Variants in RAB22A observed in about 807,000 individuals in gnomAD.
RAB22A encodes the protein ras-related protein Rab-22A.
Under a neutral mutation model 30.2 loss-of-function variants are expected in RAB22A, and 13 were observed. The observed-to-expected ratio is 0.43, with a 90% CI of 0.28 to 0.68. RAB22A has a LOEUF of 0.68. Among genes scored for constraint, RAB22A ranks in the 30% least tolerant of loss-of-function variants. The pLI, the probability that RAB22A is intolerant of heterozygous loss-of-function variation, is 0.18. For missense variants in RAB22A, 177 were observed against 246.8 expected, an observed-to-expected ratio of 0.72 and a Z score of 1.89; for synonymous variants, 89 against 87.2, an observed-to-expected ratio of 1.02 and a Z score of -0.11.
intron 2 of RAB22A, among the ~76,000 whole-genome samples, chr20:58,318,447 C>G (rs1315166757): frequency 1.3e-5 from 2 of 152,162 alleles, no homozygotes; most frequent in African/African-American, 2.4e-5. Context: ...GTATGACACT[C>G]ACAGGAAATG....
In RAB22A at chr20:58,360,092, T is replaced by A. The variant is rs1987201292; in HGVS notation, c.*389T>A. ...AAAGAAACAGACCTTGTGGAGATTA[T>A]AATTTCCTTGGTTTCTGTTACCACT... On this transcript the variant is annotated 3_prime_UTR_variant, in exon 7 of 7. Coordinates refer to ENST00000244040, the MANE Select transcript of RAB22A (RefSeq NM_020673.3). 1 of 154,222 alleles carries A rather than the reference T, an allele frequency of 6.5e-6. No individual in the cohort carries two copies. Among genetic ancestry groups the A allele is most frequent in the Admixed American group, 6.5e-5 (1 of 15,378 alleles). 9.6% of individuals were successfully genotyped at this position (154,222 alleles called of 1,614,324 possible).
At chr20:58,353,234 GT>G in intron 3 of RAB22A, 38 bp from the exon 4 acceptor site, 1 of 1,563,252 alleles carries the variant, frequency 6.4e-7, no homozygotes, top group Non-Finnish European at 8.8e-7. Context: ...TATTTAACCA[GT>G]TTTCCCAATT....
rs984746857 is a variant in RAB22A, at chr20:58,353,592, TAAG to T, written c.377+55_377+57del. 5 of 1,357,468 alleles carry T rather than the reference TAAG, an allele frequency of 3.7e-6. No homozygotes were observed. The Admixed American group carries it at 9.1e-5, about 25-fold the overall frequency. 84.1% of individuals were successfully genotyped at this position (1,357,468 alleles called of 1,614,324 possible). On this transcript the variant is annotated intron_variant, in intron 5 of 6. Transcript: ENST00000244040. Reference sequence around the variant, plus strand: ...ACCTATTATGTGTTCCTTTTCTTAATAAGCAATATCCAGTTTAAGAATCTTGCT... The same window carrying T: ...ACCTATTATGTGTTCCTTTTCTTAATCAATATCCAGTTTAAGAATCTTGCT...
At chr20:58,333,718 A>G (rs1024009285) in intron 2 of RAB22A, among the ~76,000 whole-genome samples, 4 of 152,302 alleles carry the variant, frequency 2.6e-5, no homozygotes, top group African/African-American at 9.6e-5. Context: ...TATTGAAAAA[A>G]TAGAGACACA....
At position 58,366,167 on chromosome 20, in the gene RAB22A, C is replaced by T. The variant is rs1261434230; in HGVS notation, c.*6464C>T. On this transcript the variant is annotated 3_prime_UTR_variant, in exon 7 of 7. Coordinates refer to ENST00000244040, the MANE Select transcript of RAB22A (RefSeq NM_020673.3). ...CTTCTCGCTTTATTTCCCTTAGGCT[C>T]ATTTTTCTGTGGGCTCTCCCTTAAA... 6.6e-6 allele frequency: 1 copy of T among 152,212 alleles called. No homozygotes were observed. Among genetic ancestry groups the T allele is most frequent in the East Asian group, 1.9e-4 (1 of 5,196 alleles). 9.4% of individuals were successfully genotyped at this position (152,212 alleles called of 1,614,324 possible).
At chr20:58,313,860 G>A (rs1259590037) in intron 2 of RAB22A, among the ~76,000 whole-genome samples, 1 of 151,938 alleles carries the variant, frequency 6.6e-6, no homozygotes, top group East Asian at 1.9e-4. Flanking sequence ...TGCTGCTTTG[G>A]GGCTACAATG....
chr20:58,315,707 C>A (rs1336572049), intron 2 of RAB22A, among the ~76,000 whole-genome samples: 4 of 151,986 alleles, frequency 2.6e-5, no homozygotes, highest in Non-Finnish European at 2.9e-5. Context: ...CACCCCCAGC[C>A]CAATCCCCAA....
At chr20:58,345,077 C>T (rs1986923528) in intron 3 of RAB22A, among the ~76,000 whole-genome samples, 1 of 152,104 alleles carries the variant, frequency 6.6e-6, no homozygotes, top group Admixed American at 6.5e-5. Context: ...TAGACACAGC[C>T]CTGGGTTCTG....
chr20:58,343,083 G>A (rs549306933), intron 2 of RAB22A, among the ~76,000 whole-genome samples: 6 of 152,252 alleles, frequency 3.9e-5, no homozygotes, highest in South Asian at 2.1e-4. Flanking sequence ...TCCGGGGCTC[G>A]ATGAGGCCCC....
At position 58,360,442 on chromosome 20, in the gene RAB22A, T is replaced by C. The variant is rs1018175021; in HGVS notation, c.*739T>C. 6.6e-6 allele frequency: 1 copy of C among 152,628 alleles called. No individual in the cohort carries two copies. Among genetic ancestry groups the C allele is most frequent in the Non-Finnish European group, 1.5e-5 (1 of 68,042 alleles). The allele number at this position is 152,628 out of a possible 1,614,324, so 9.5% of individuals were successfully genotyped here. ...AGAAGCTGCCCGGAATAAACTGAAT[T>C]TCATATGTTCTAAAATGACTAGCAA... On this transcript the variant is annotated 3_prime_UTR_variant, in exon 7 of 7. Transcript: ENST00000244040.
In RAB22A at chr20:58,359,966, A is replaced by G; in HGVS notation, c.*263A>G. ...TGACCTTGCTGAAAAGGAACATATA[A>G]TTGTATGGATGGTAGGATTAAGTTG... is the stretch of plus-strand genomic sequence containing the variant. On this transcript the variant is annotated 3_prime_UTR_variant, in exon 7 of 7. Transcript: ENST00000244040. 4.9e-6 allele frequency: 1 copy of G among 205,842 alleles called. No homozygotes were observed. The highest frequency in any genetic ancestry group is 9.8e-6 in the Non-Finnish European group (1 of 102,560). The allele number at this position is 205,842 out of a possible 1,614,324, so 12.8% of individuals were successfully genotyped here. A position where few individuals can be genotyped will look rare whatever the true frequency, so the allele number is the denominator to read the frequency against.
intron 3 of RAB22A, among the ~76,000 whole-genome samples, chr20:58,347,371 A>C (rs76617572): frequency 6.6e-6 from 1 of 152,226 alleles, no homozygotes; most frequent in Non-Finnish European, 1.5e-5. Context: ...ACTTAAATGA[A>C]GAGGAAAAAT....
intron 3 of RAB22A, among the ~76,000 whole-genome samples, chr20:58,350,116 G>A (rs1411664191): frequency 6.6e-6 from 1 of 151,850 alleles, no homozygotes; most frequent in Non-Finnish European, 1.5e-5. Flanking sequence ...AAAAAAAGGA[G>A]TGTTAATGAC....
At chr20:58,337,913 C>T (rs1003228962) in intron 2 of RAB22A, among the ~76,000 whole-genome samples, 4 of 152,222 alleles carry the variant, frequency 2.6e-5, no homozygotes, top group Admixed American at 2.6e-4. Context: ...AAAGTCAAGA[C>T]AGTTTTGTCA....
rs942668027 is a variant in RAB22A, at chr20:58,363,640, T to G, written c.*3937T>G. On this transcript the variant is annotated 3_prime_UTR_variant, in exon 7 of 7. Coordinates refer to ENST00000244040, the MANE Select transcript of RAB22A (RefSeq NM_020673.3). ...ATTTACATTTGCTTTAAAGGGACAG[T>G]TTTACCGTTCAACTTCAAGAGTTTT... is the stretch of plus-strand genomic sequence containing the variant. 1 of 152,164 alleles carries G rather than the reference T, an allele frequency of 6.6e-6. No individual in the cohort carries two copies. 9.4% of individuals were successfully genotyped at this position (152,164 alleles called of 1,614,324 possible).
intron 2 of RAB22A, among the ~76,000 whole-genome samples, chr20:58,340,797 TG>T (rs199612498): frequency 0.017 from 2,537 of 152,116 alleles, 28 homozygotes; most frequent in Non-Finnish European, 0.02. Context: ...GGCTGCCTGG[TG>T]GGGTAGATGG....
Position 58,360,719 on chromosome 20 carries a change from T to C in RAB22A, c.*1016T>C, listed in dbSNP as rs1987211370. 6.6e-6 allele frequency: 1 copy of C among 152,636 alleles called. No individual in the cohort carries two copies. The highest frequency in any genetic ancestry group is 1.9e-4 in the East Asian group (1 of 5,196). 9.5% of individuals were successfully genotyped at this position (152,636 alleles called of 1,614,324 possible). A position where few individuals can be genotyped will look rare whatever the true frequency, so the allele number is the denominator to read the frequency against. On this transcript the variant is annotated 3_prime_UTR_variant, in exon 7 of 7. Transcript: ENST00000244040. ...GCGTATGCCTGCCCAGTTTTCAGCC[T>C]CTTAACGGGAGACTCAAGCACATTG...
chr20:58,354,860 G>A lies in RAB22A; in HGVS notation c.487+595G>A, dbSNP rs533930122. On this transcript the variant is annotated intron_variant, in intron 6 of 6. Coordinates refer to ENST00000244040, the MANE Select transcript of RAB22A (RefSeq NM_020673.3). Reference sequence around the variant, plus strand: ...GGAAATAGCCGTGAAGAAGATAGACGCAGCCCCTGCTCTCCTGGAGCGCAC... The same window carrying A: ...GGAAATAGCCGTGAAGAAGATAGACACAGCCCCTGCTCTCCTGGAGCGCAC... Among the ~76,000 whole-genome samples the A allele has an allele frequency of 4.6e-5, 7 of 152,332 alleles. No individual in the cohort carries two copies. The South Asian group carries it at 8.3e-4, about 18-fold the overall frequency.
At chr20:58,347,470 C>T (rs867272818) in intron 3 of RAB22A, among the ~76,000 whole-genome samples, 1 of 152,138 alleles carries the variant, frequency 6.6e-6, no homozygotes. Flanking sequence ...TTGATGAAGC[C>T]CTCAAATATT....
Sources: gnomAD v4.1 joint callset for allele counts (sites outside exome capture counted in the v4.1 genomes callset) on GRCh38, gnomAD v4.1.1 for gene constraint, MANE v1.5 for transcripts, NCBI Gene and HGNC (gene_info 2026-07-23, HGNC 2026-07-21) for gene names.